The following PTGFR variants were observed in gnomAD, a reference collection of about 807,000 sequenced individuals.
PTGFR encodes the protein prostaglandin F receptor.
A neutral mutation model predicts 26.2 loss-of-function variants in PTGFR; 15 were observed. The observed-to-expected ratio is 0.57, with a 90% confidence interval of 0.38 to 0.88. PTGFR has a LOEUF of 0.88. Among genes scored for constraint, PTGFR ranks in the 40% least tolerant of loss-of-function variants. The pLI is 0.00. For synonymous variants in PTGFR, 165 were observed against 151.1 expected, an observed-to-expected ratio of 1.09 and a Z score of -0.68; for missense variants, 369 against 427.2, an observed-to-expected ratio of 0.86 and a Z score of 1.20.
At chr1:78,494,467 A>G (rs1649494184) in intron 2 of PTGFR, among the ~76,000 whole-genome samples, 1 of 152,226 alleles carries the variant, frequency 6.6e-6, no homozygotes, top group African/African-American at 2.4e-5. Flanking sequence ...AGAGATAGCA[A>G]TCCAGGTGGG....
intron 2 of PTGFR, among the ~76,000 whole-genome samples, chr1:78,524,926 T>TTC: frequency 7.1e-6 from 1 of 141,160 alleles, no homozygotes; most frequent in Admixed American, 7.0e-5. Flanking sequence ...TTTTTTTTTT[T>TTC]TTTTTTTTTT....
At chr1:78,504,523 T>C (rs1649781311) in intron 2 of PTGFR, among the ~76,000 whole-genome samples, 1 of 152,154 alleles carries the variant, frequency 6.6e-6, no homozygotes, top group Admixed American at 6.5e-5. Flanking sequence ...CAGTTGTTTG[T>C]CCAGGTTTAT....
chr1:78,522,852 T>C (rs1303361437), intron 2 of PTGFR, among the ~76,000 whole-genome samples: 1 of 152,118 alleles, frequency 6.6e-6, no homozygotes, highest in East Asian at 1.9e-4. Context: ...GATAATTGAC[T>C]TCCTTTTTTC....
intron 2 of PTGFR, among the ~76,000 whole-genome samples, chr1:78,511,535 G>T (rs972814908): frequency 4.6e-5 from 7 of 151,878 alleles, no homozygotes; most frequent in African/African-American, 1.7e-4. Flanking sequence ...GTGAGGCCCT[G>T]GTCCTGGCTC....
At chr1:78,499,346 AT>A (rs1470831827) in intron 2 of PTGFR, among the ~76,000 whole-genome samples, 1 of 152,040 alleles carries the variant, frequency 6.6e-6, no homozygotes, top group Non-Finnish European at 1.5e-5. Flanking sequence ...CATAATACAT[AT>A]TTCTCTGTCT....
At chr1:78,497,097 T>A (rs940149314) in intron 2 of PTGFR, among the ~76,000 whole-genome samples, 6 of 152,144 alleles carry the variant, frequency 3.9e-5, no homozygotes, top group African/African-American at 1.4e-4. Context: ...ATGTTTTAAA[T>A]TAAAACATTT....
In PTGFR at chr1:78,538,936, C is replaced by T. The variant is rs781481467; in HGVS notation, c.*2249C>T. On this transcript the variant is annotated 3_prime_UTR_variant, in exon 3 of 3. Transcript: ENST00000370757. ...CACATACTATTTAAACATGATTTCT[C>T]GGTAATTATATATTCTGGGCAAATA... 4.6e-5 allele frequency: 7 copies of T among 151,774 alleles called. No individual in the cohort carries two copies. The highest frequency in any genetic ancestry group is 1.5e-5 in the Non-Finnish European group (1 of 67,936). The allele number at this position is 151,774 out of a possible 1,614,324, so 9.4% of individuals were successfully genotyped here. A position where few individuals can be genotyped will look rare whatever the true frequency, so the allele number is the denominator to read the frequency against.
chr1:78,528,215 A>G (rs1293519936), intron 2 of PTGFR, among the ~76,000 whole-genome samples: 1 of 148,362 alleles, frequency 6.7e-6, no homozygotes, highest in Non-Finnish European at 1.5e-5. Flanking sequence ...ACTAAGAAAG[A>G]TGAATTTCAA....
intron 2 of PTGFR, among the ~76,000 whole-genome samples, chr1:78,521,949 T>G (rs978294354): frequency 2.0e-5 from 3 of 152,122 alleles, no homozygotes; most frequent in Admixed American, 6.6e-5. Context: ...TATCTCACAG[T>G]TCTGTAGGTC....
intron 2 of PTGFR, among the ~76,000 whole-genome samples, chr1:78,505,812 C>T (rs904904540): frequency 4.6e-5 from 7 of 152,228 alleles, no homozygotes; most frequent in Admixed American, 2.0e-4. Flanking sequence ...TGGCTTCTTT[C>T]GGTTAGCATA....
chr1:78,497,847 CAT>C, intron 2 of PTGFR: 1 of 1,458,000 alleles, frequency 6.9e-7, no homozygotes, highest in South Asian at 1.1e-5. Flanking sequence ...ACTGGAAGGC[CAT>C]ATGTTTGTTT....
At chr1:78,521,832 T>A (rs1004715690) in intron 2 of PTGFR, among the ~76,000 whole-genome samples, 4 of 152,142 alleles carry the variant, frequency 2.6e-5, no homozygotes, top group African/African-American at 7.2e-5. Context: ...CTACTATATA[T>A]AAATTTCACT....
intron 2 of PTGFR, among the ~76,000 whole-genome samples, chr1:78,523,795 T>C (rs74982404): frequency 0.033 from 5,046 of 152,236 alleles, 150 homozygotes; most frequent in African/African-American, 0.077. Context: ...TTTAAATGTT[T>C]GTTAGTTGGG....
In PTGFR at chr1:78,539,812, C is replaced by T. The variant is rs1219066236; in HGVS notation, c.*3125C>T. The stretch of plus-strand genomic sequence containing the variant: ...CTTGAAACGCTTGAACCTAAACTCC[C>T]GTTTTATCTGCTACTGGATGAGAAG... On this transcript the variant is annotated 3_prime_UTR_variant, in exon 3 of 3. Transcript: ENST00000370757. 2.6e-5 allele frequency: 4 copies of T among 152,322 alleles called. No individual in the cohort carries two copies. Among genetic ancestry groups the T allele is most frequent in the South Asian group, 2.1e-4 (1 of 4,820 alleles). 9.4% of individuals were successfully genotyped at this position (152,322 alleles called of 1,614,324 possible).
intron 2 of PTGFR, chr1:78,532,373 T>C (rs1570300990): frequency 1.7e-5 from 2 of 115,888 alleles, no homozygotes; most frequent in East Asian, 4.2e-4. Flanking sequence ...TTTATATATA[T>C]ATATATATAT....
chr1:78,504,664 T>G (rs1192433948), intron 2 of PTGFR, among the ~76,000 whole-genome samples: 1 of 152,200 alleles, frequency 6.6e-6, no homozygotes, highest in African/African-American at 2.4e-5. Context: ...TTACCTCTTT[T>G]TTTCTTCTAG....
chr1:78,533,458 T>C (rs1013167851), intron 2 of PTGFR, among the ~76,000 whole-genome samples: 1 of 152,192 alleles, frequency 6.6e-6, no homozygotes, highest in Admixed American at 6.5e-5. Flanking sequence ...TGAGAGGTGA[T>C]GTAGACAGTC....
Position 78,536,944 on chromosome 1 carries a change from C to A in PTGFR, c.*257C>A. On this transcript the variant is annotated 3_prime_UTR_variant, in exon 3 of 3. Transcript: ENST00000370757. ...GAGTCACACTGAAAGCAATTTTGAG[C>A]TTATCTGTCTTATTTATGCTTTGAG... The A allele has an allele frequency of 2.3e-6, 1 of 437,196 alleles. No individual in the cohort carries two copies. The highest frequency in any genetic ancestry group is 4.1e-6 in the Non-Finnish European group (1 of 245,872). The allele number at this position is 437,196 out of a possible 1,614,324, so 27.1% of individuals were successfully genotyped here.
chr1:78,501,044 A>G (rs1263805420), intron 2 of PTGFR, among the ~76,000 whole-genome samples: 1 of 152,174 alleles, frequency 6.6e-6, no homozygotes, highest in Non-Finnish European at 1.5e-5. Context: ...ATGCCCAAAG[A>G]TATCATAGAC....
Sources: gnomAD v4.1 joint callset for allele counts (sites outside exome capture counted in the v4.1 genomes callset) on GRCh38, gnomAD v4.1.1 for gene constraint, MANE v1.5 for transcripts, NCBI Gene and HGNC (gene_info 2026-07-23, HGNC 2026-07-21) for gene names.